The following PTK2 variants were observed in gnomAD, a reference collection of about 807,000 sequenced individuals.
PTK2 encodes protein tyrosine kinase 2.
Under a neutral mutation model 150.1 loss-of-function variants are expected in PTK2, and 45 were observed. The observed-to-expected ratio is 0.30, with a 90% CI of 0.24 to 0.38. The LOEUF (loss-of-function observed/expected upper bound fraction) is 0.38. Ranked by LOEUF, PTK2 falls within the 10% of genes least tolerant of loss-of-function variation. The pLI, the probability that PTK2 is intolerant of heterozygous loss-of-function variation, is 1.00. For synonymous variants in PTK2, 432 were observed against 449.2 expected, an observed-to-expected ratio of 0.96 and a Z score of 0.48; for missense variants, 919 against 1,307.3, an observed-to-expected ratio of 0.70 and a Z score of 4.58.
At chr8:140,873,121 G>A (rs1475869869) in intron 4 of PTK2, among the ~76,000 whole-genome samples, 1 of 152,224 alleles carries the variant, frequency 6.6e-6, no homozygotes, top group Non-Finnish European at 1.5e-5. Context: ...GTCTCTGAAA[G>A]AGAGAACTTG....
chr8:140,785,773 A>G (rs1021739714), intron 14 of PTK2, among the ~76,000 whole-genome samples: 1 of 152,194 alleles, frequency 6.6e-6, no homozygotes, highest in Admixed American at 6.5e-5. Flanking sequence ...GACACTGAAT[A>G]AGTTTGTTTA....
chr8:140,747,831 A>T (rs561071335), intron 17 of PTK2, among the ~76,000 whole-genome samples: 1 of 152,042 alleles, frequency 6.6e-6, no homozygotes, highest in Admixed American at 6.5e-5. Context: ...AGACGACGAC[A>T]ACCATTTCTT....
intron 24 of PTK2, among the ~76,000 whole-genome samples, chr8:140,703,184 A>G (rs972531051): frequency 1.3e-5 from 2 of 151,526 alleles, no homozygotes; most frequent in Admixed American, 1.3e-4. Context: ...AGGAGAATGA[A>G]CCCGGGAGGC....
chr8:140,969,561 T>C (rs1392658567), intron 1 of PTK2, among the ~76,000 whole-genome samples: 1 of 151,880 alleles, frequency 6.6e-6, no homozygotes, highest in Non-Finnish European at 1.5e-5. Flanking sequence ...TCCCTTCTCT[T>C]GCTTTCCAGG....
At chr8:141,000,291 C>G (rs1159688978) in intron 1 of PTK2, among the ~76,000 whole-genome samples, 12 of 152,208 alleles carry the variant, frequency 7.9e-5, no homozygotes, top group Non-Finnish European at 1.6e-4. Flanking sequence ...AGTGAGGGCT[C>G]CAGGGCTCCC....
chr8:140,884,180 G>A (rs1424131120), intron 3 of PTK2, among the ~76,000 whole-genome samples: 1 of 152,096 alleles, frequency 6.6e-6, no homozygotes, highest in Non-Finnish European at 1.5e-5. Context: ...TGGGGATTAG[G>A]ATGTAGGCAT....
At chr8:140,746,675 A>C (rs1283173707) in intron 18 of PTK2, 85 bp downstream of exon 21, 1 of 1,008,492 alleles carries the variant, frequency 9.9e-7, no homozygotes, top group East Asian at 2.5e-5. Flanking sequence ...TGAAAATCCA[A>C]GATATAAACT....
chr8:140,967,560 A>T (rs1398161949), intron 1 of PTK2, among the ~76,000 whole-genome samples: 1 of 150,952 alleles, frequency 6.6e-6, no homozygotes, highest in Non-Finnish European at 1.5e-5. Context: ...TCCCAGGTTC[A>T]AGCAATTCTC....
chr8:140,672,166 A>C (rs2153226687), intron 29 of PTK2: 1 of 454,088 alleles, frequency 2.2e-6, no homozygotes, highest in South Asian at 1.6e-5. Flanking sequence ...GGCTTATGAA[A>C]ATAAATAATT....
chr8:140,739,456 G>A (rs1221376769), intron 20 of PTK2, among the ~76,000 whole-genome samples: 1 of 152,098 alleles, frequency 6.6e-6, no homozygotes, highest in Non-Finnish European at 1.5e-5. Flanking sequence ...CTTATCTGTA[G>A]GTTAGAATGC....
chr8:140,791,839 A>C (rs1004579787), intron 13 of PTK2, among the ~76,000 whole-genome samples: 4 of 152,236 alleles, frequency 2.6e-5, no homozygotes, highest in African/African-American at 7.2e-5. Flanking sequence ...ATTGAAAAAA[A>C]GGTAAATGTA....
In PTK2 at chr8:140,706,611, A is replaced by G. The variant is rs528620197; in HGVS notation, c.2143-406T>C. ...CTTTGAGGCCAGGAGTTGAAAACCA[A>G]TCAGGCCAGTCTGTTGGGAATGTAA... On this transcript the variant is annotated intron_variant, in intron 23 of 31. Coordinates refer to ENST00000522684, the Ensembl canonical transcript of PTK2. Among the ~76,000 whole-genome samples the G allele has an allele frequency of 4.3e-4, 65 of 152,272 alleles. 1 individual carries two copies. The highest frequency in any genetic ancestry group is 1.5e-3 in the African/African-American group (63 of 41,570).
chr8:140,897,385 T>G (rs1317941001), intron 2 of PTK2, among the ~76,000 whole-genome samples: 1 of 151,824 alleles, frequency 6.6e-6, no homozygotes, highest in Non-Finnish European at 1.5e-5. Context: ...AAAAAAGGAA[T>G]GTTATTTTGT....
intron 14 of PTK2, among the ~76,000 whole-genome samples, chr8:140,786,032 A>T (rs1363401037): frequency 6.6e-6 from 1 of 152,206 alleles, no homozygotes; most frequent in Non-Finnish European, 1.5e-5. Flanking sequence ...TGTAAACTCT[A>T]TAAAGGGAGG....
intron 22 of PTK2, among the ~76,000 whole-genome samples, chr8:140,726,101 T>C (rs1026512475): frequency 3.9e-5 from 6 of 151,906 alleles, no homozygotes; most frequent in African/African-American, 1.5e-4. Flanking sequence ...AAAATCTCCA[T>C]TGGATGAAGT....
intron 4 of PTK2, among the ~76,000 whole-genome samples, chr8:140,865,612 T>C (rs957546974): frequency 1.3e-5 from 2 of 152,232 alleles, no homozygotes; most frequent in African/African-American, 4.8e-5. Context: ...TAAATGTCCA[T>C]CTTATTAAAA....
intron 1 of PTK2, among the ~76,000 whole-genome samples, chr8:140,956,253 A>C (rs1569472734): frequency 6.6e-6 from 1 of 152,246 alleles, no homozygotes; most frequent in Non-Finnish European, 1.5e-5. Flanking sequence ...TTTTTTATTC[A>C]CCACAAGGAA....
intron 16 of PTK2, among the ~76,000 whole-genome samples, chr8:140,753,114 G>A (rs1189659689): frequency 1.3e-5 from 2 of 152,246 alleles, no homozygotes; most frequent in Non-Finnish European, 2.9e-5. Context: ...AATGGCTGCA[G>A]AGAGGCAAGG....
chr8:140,974,832 T>A (rs2100188683), intron 1 of PTK2, among the ~76,000 whole-genome samples: 1 of 152,142 alleles, frequency 6.6e-6, no homozygotes, highest in Non-Finnish European at 1.5e-5. Context: ...AGAGACAATG[T>A]TCCCTCATCA....
Sources: allele counts gnomAD v4.1 joint callset (sites outside exome capture counted in the v4.1 genomes callset), GRCh38; gene constraint gnomAD v4.1.1; transcripts MANE v1.5; gene names NCBI Gene and HGNC (gene_info 2026-07-23, HGNC 2026-07-21).